The following RAPGEF4 variants were observed in gnomAD, a reference collection of about 807,000 sequenced individuals.
The protein encoded by RAPGEF4 is Rap guanine nucleotide exchange factor 4.
RAPGEF4 carries 66 observed loss-of-function variants against 147.9 expected under a neutral mutation model. The observed-to-expected ratio is 0.45, with a 90% CI of 0.37 to 0.55. The LOEUF is 0.55. RAPGEF4 is among the 20% of genes least tolerant of loss of function. The pLI is 0.00. For synonymous variants in RAPGEF4, 419 were observed against 442.7 expected, an observed-to-expected ratio of 0.95 and a Z score of 0.67; for missense variants, 1,071 against 1,257.3, an observed-to-expected ratio of 0.85 and a Z score of 2.24.
chr2:172,989,673 C>G (rs1462526621), intron 14 of RAPGEF4, among the ~76,000 whole-genome samples: 1 of 152,290 alleles, frequency 6.6e-6, no homozygotes, highest in South Asian at 2.1e-4. Flanking sequence ...CGATGTCCCA[C>G]CACCCGTGGC....
intron 1 of RAPGEF4, chr2:172,744,475 G>C (rs1328970606): frequency 4.4e-6 from 2 of 453,120 alleles, no homozygotes; most frequent in East Asian, 7.0e-5. Context: ...AGAAAATGTA[G>C]TGTAGAGGTT....
At chr2:172,806,797 C>T (rs1687539247) in intron 3 of RAPGEF4, among the ~76,000 whole-genome samples, 1 of 152,218 alleles carries the variant, frequency 6.6e-6, no homozygotes, top group Non-Finnish European at 1.5e-5. Context: ...AGAAAAAAAT[C>T]TCATACTAGT....
intron 4 of RAPGEF4, among the ~76,000 whole-genome samples, chr2:172,816,746 C>G (rs181911784): frequency 2.0e-5 from 3 of 152,276 alleles, no homozygotes; most frequent in Non-Finnish European, 4.4e-5. Context: ...CATAAGTGTA[C>G]TGGGGACGAC....
chr2:172,827,447 C>G (rs1388490787), intron 4 of RAPGEF4, among the ~76,000 whole-genome samples: 1 of 152,096 alleles, frequency 6.6e-6, no homozygotes, highest in Non-Finnish European at 1.5e-5. Context: ...TCCTAGTTGG[C>G]CTCCTGTTAT....
chr2:172,871,625 CT>C (rs57511364), intron 4 of RAPGEF4, among the ~76,000 whole-genome samples: 17,352 of 132,114 alleles, frequency 0.13, 866 homozygotes, highest in South Asian at 0.17. Context: ...AAAAAGCAGA[CT>C]TTTTTTTTTT....
At chr2:172,832,817 CCTTTA>C (rs1559065506) in intron 4 of RAPGEF4, among the ~76,000 whole-genome samples, 3 of 152,168 alleles carry the variant, frequency 2.0e-5, no homozygotes, top group Non-Finnish European at 2.9e-5. Context: ...CCCTATCTTT[CCTTTA>C]CTTTAATGTC....
intron 6 of RAPGEF4, among the ~76,000 whole-genome samples, chr2:172,924,304 T>C (rs1283115564): frequency 6.6e-6 from 1 of 152,190 alleles, no homozygotes; most frequent in Non-Finnish European, 1.5e-5. Flanking sequence ...CACAGGGCTC[T>C]AAGCAGAGGG....
chr2:172,816,981 A>G (rs1688574696), intron 4 of RAPGEF4, among the ~76,000 whole-genome samples: 1 of 152,254 alleles, frequency 6.6e-6, no homozygotes, highest in South Asian at 2.1e-4. Flanking sequence ...TCTGTTAATC[A>G]GGACTTCATT....
intron 30 of RAPGEF4, among the ~76,000 whole-genome samples, chr2:173,050,675 T>G (rs1686092904): frequency 6.6e-6 from 1 of 151,782 alleles, no homozygotes; most frequent in South Asian, 2.1e-4. Context: ...GAGCATTTTT[T>G]TCCCTTTTAT....
chr2:172,894,937 T>C (rs1306445825), intron 4 of RAPGEF4, among the ~76,000 whole-genome samples: 1 of 152,098 alleles, frequency 6.6e-6, no homozygotes, highest in African/African-American at 2.4e-5. Context: ...TTGAACTTTC[T>C]GCATGTTTGT....
rs755734968 is a variant in RAPGEF4, at chr2:172,851,133, T to C, written c.444+36708T>C. 6.4e-4 allele frequency among the ~76,000 whole-genome samples: 98 copies of C among 152,216 alleles called. 1 individual carries two copies. Among genetic ancestry groups the C allele is most frequent in the Non-Finnish European group, 1.8e-4 (12 of 68,032 alleles). ...TTTAGCTGTGTCCTAGAGATTCTGG[T>C]ATGTTGTATCTTTGTTCTCGATAGT... is the stretch of plus-strand genomic sequence containing the variant. On this transcript the variant is annotated intron_variant, in intron 4 of 30. Coordinates refer to ENST00000397081, the MANE Select transcript of RAPGEF4 (RefSeq NM_007023.4).
chr2:172,877,640 A>C (rs1696123853), intron 4 of RAPGEF4, among the ~76,000 whole-genome samples: 1 of 152,080 alleles, frequency 6.6e-6, no homozygotes. Context: ...GGGCTGCGGC[A>C]CCAGCTGTAA....
At position 173,018,742 on chromosome 2, in the gene RAPGEF4, G is replaced by T; in HGVS notation, c.2095G>T (p.Val699Phe). 1 of 1,614,146 alleles carries T rather than the reference G, an allele frequency of 6.2e-7. No individual in the cohort carries two copies. The highest frequency in any genetic ancestry group is 1.1e-5 in the South Asian group (1 of 91,086). Residue 699 changes from valine (V) to phenylalanine (F), a missense_variant, in exon 22 of 31, where the codon GTT (valine) becomes TTT (phenylalanine). Transcript: ENST00000397081. The part of the protein sequence containing the change: ...ATSVKEVISA[V>F]ADKLGSGEGL... ...TTCGGTGAAGGAAGTCATCAGTGCA[G>T]TTGCCGACAAGCTGGGCTCCGGGGA...
intron 17 of RAPGEF4, among the ~76,000 whole-genome samples, chr2:173,003,310 A>G (rs1299725044): frequency 6.6e-6 from 1 of 152,174 alleles, no homozygotes; most frequent in Non-Finnish European, 1.5e-5. Context: ...GGAGAGGGGA[A>G]GGCAAGAAAG....
chr2:172,814,172 T>C (rs1559054507), intron 3 of RAPGEF4, 107 bp from the exon 4 acceptor site: 10 of 1,111,970 alleles, frequency 9.0e-6, no homozygotes, highest in Non-Finnish European at 1.3e-5. Flanking sequence ...ACTATGCAAT[T>C]AAATTGGGTG....
intron 6 of RAPGEF4, among the ~76,000 whole-genome samples, chr2:172,956,571 G>A (rs1007063304): frequency 1.9e-4 from 28 of 150,524 alleles, no homozygotes; most frequent in Admixed American, 6.7e-5. Context: ...CCGGGTTCAC[G>A]CCATTCTCCT....
chr2:172,743,446 A>C (rs10204859), intron 1 of RAPGEF4, among the ~76,000 whole-genome samples: 150,816 of 152,342 alleles, frequency 0.99, 74,676 homozygotes, highest in Middle Eastern at 1. Flanking sequence ...TCTTGGCGCA[A>C]CTATCTGTTT....
At chr2:172,749,875 A>G (rs145033122) in intron 1 of RAPGEF4, among the ~76,000 whole-genome samples, 2,715 of 152,228 alleles carry the variant, frequency 0.018, 34 homozygotes, top group Non-Finnish European at 0.03. Flanking sequence ...GATACCCTAA[A>G]TCATCCCCCT....
upstream of RAPGEF4, chr2:172,735,701 C>G (rs995085151): frequency 6.3e-6 from 1 of 158,380 alleles, no homozygotes; most frequent in Non-Finnish European, 1.4e-5. Flanking sequence ...GGGGTCCCCA[C>G]CCCGGGGCGG....
Sources: allele counts gnomAD v4.1 joint callset (sites outside exome capture counted in the v4.1 genomes callset), GRCh38; gene constraint gnomAD v4.1.1; transcripts MANE v1.5; gene names NCBI Gene and HGNC (gene_info 2026-07-23, HGNC 2026-07-21).